The following RTF1 variants were observed in gnomAD, a reference collection of about 807,000 sequenced individuals.
RTF1 encodes the protein RTF1 homolog, Paf1/RNA polymerase II complex component.
A neutral mutation model predicts 95.7 loss-of-function variants in RTF1; 10 were observed. That is an observed-to-expected ratio of 0.10 (90% CI 0.06 to 0.18). The LOEUF (loss-of-function observed/expected upper bound fraction) is 0.18. Among genes scored for constraint, RTF1 ranks in the 10% least tolerant of loss-of-function variants. The probability of loss-of-function intolerance (pLI) is 1.00; values close to 1 mark genes in which losing one functional copy is unlikely to be tolerated. For synonymous variants in RTF1, 305 were observed against 311.8 expected (o/e 0.98, Z 0.23); for missense variants, 458 against 875.6 (o/e 0.52, Z 6.02).
At chr15:41,446,298 C>T (rs982459679) in intron 2 of RTF1, among the ~76,000 whole-genome samples, 3 of 151,996 alleles carry the variant, frequency 2.0e-5, no homozygotes, top group Non-Finnish European at 2.9e-5. Context: ...TGGCCAGGTG[C>T]GGTGTCTTAG....
intron 1 of RTF1, among the ~76,000 whole-genome samples, chr15:41,425,606 G>A (rs1193263098): frequency 6.6e-6 from 1 of 152,140 alleles, no homozygotes; most frequent in Non-Finnish European, 1.5e-5. Flanking sequence ...CCATTAGAAT[G>A]GAAGCGCCAG....
At chr15:41,461,942 G>A (rs548917291) in intron 4 of RTF1, among the ~76,000 whole-genome samples, 32 of 148,362 alleles carry the variant, frequency 2.2e-4, no homozygotes, top group African/African-American at 6.5e-4. Context: ...TTTTTAGAGA[G>A]GGGGGGTTTG....
At position 41,483,383 on chromosome 15, in the gene RTF1, C is replaced by T. The variant is rs1379213393; in HGVS notation, c.*2696C>T. 6.6e-6 allele frequency: 1 copy of T among 152,588 alleles called. No individual in the cohort carries two copies. The highest frequency in any genetic ancestry group is 1.9e-4 in the East Asian group (1 of 5,200). The allele number at this position is 152,588 out of a possible 1,614,324, so 9.5% of individuals were successfully genotyped here. On this transcript the variant is annotated 3_prime_UTR_variant, in exon 18 of 18. Coordinates refer to ENST00000389629, the MANE Select transcript of RTF1 (RefSeq NM_015138.5). ...TCCAAGAAGCAAAAAGGCCAGTGTC[C>T]ATCTGCCTAGTTCATAATGTTTATA...
At position 41,475,551 on chromosome 15, in the gene RTF1, G is replaced by A. The variant is rs1356003972; in HGVS notation, c.1313G>A (p.Arg438His). The A allele has an allele frequency of 1.2e-6, 2 of 1,613,970 alleles. No individual in the cohort carries two copies. The highest frequency in any genetic ancestry group is 1.7e-6 in the Non-Finnish European group (2 of 1,180,000). Residue 438 changes from arginine to histidine, a missense_variant, in exon 10 of 18, where the codon CGT becomes CAT. By Grantham distance (29) the Arg-to-His change is conservative (BLOSUM62 0). Around this residue, in one of 11 missense-constraint regions of RTF1, gnomAD observed 150 missense variants for 275.7 expected, o/e 0.54. Coordinates refer to ENST00000389629, the MANE Select transcript of RTF1 (RefSeq NM_015138.5). ...CATGGCAATGACCAACGCGTGTTCC[G>A]TTTAGAGTTTGTCTCAAACCAAGAA... The part of the protein sequence containing the change: ...LRHGNDQRVF[R>H]LEFVSNQEFT...
At position 41,466,232 on chromosome 15, in the gene RTF1, A is replaced by G; in HGVS notation, c.869A>G (p.Glu290Gly). 1 of 1,585,124 alleles carries G rather than the reference A, an allele frequency of 6.3e-7. No individual in the cohort carries two copies. The highest frequency in any genetic ancestry group is 8.6e-7 in the Non-Finnish European group (1 of 1,166,668). ...ATGGAGGAGCTAAAAGCAGAGCGAG[A>G]AAAACGAAAGAACAGAACAGGTAAG... The part of the protein sequence containing the change: ...QAMEELKAER[E>G]KRKNRTAELL... Residue 290 changes from glutamate to glycine, a missense_variant, in exon 6 of 18, where the codon GAA becomes GGA. By Grantham distance (98) the Glu-to-Gly change is moderately conservative. This residue lies in a region of RTF1 where 7 missense variants were observed against 54.3 expected (regional missense o/e 0.13). Transcript: ENST00000389629.
chr15:41,439,318 G>A (rs1362807857), intron 2 of RTF1, among the ~76,000 whole-genome samples: 1 of 152,092 alleles, frequency 6.6e-6, no homozygotes, highest in African/African-American at 2.4e-5. Flanking sequence ...ACAGGTGTGA[G>A]CCACTGCGCC....
intron 1 of RTF1, among the ~76,000 whole-genome samples, chr15:41,428,482 A>T (rs943489717): frequency 1.3e-5 from 2 of 149,746 alleles, no homozygotes; most frequent in African/African-American, 4.9e-5. Context: ...GTTAGCCAGG[A>T]TGGTCTCGAT....
intron 3 of RTF1, among the ~76,000 whole-genome samples, chr15:41,454,607 T>C (rs1046252936): frequency 6.6e-6 from 1 of 152,196 alleles, no homozygotes; most frequent in Non-Finnish European, 1.5e-5. Flanking sequence ...AAAGGTGCCT[T>C]TACAAAGGGA....
At chr15:41,475,935 G>T (rs957361659) in intron 11 of RTF1, 116 bp downstream of exon 11, 3 of 609,090 alleles carry the variant, frequency 4.9e-6, no homozygotes, top group Admixed American at 3.0e-5. Context: ...GAAAATGAGG[G>T]AATACTAATA....
intron 3 of RTF1, among the ~76,000 whole-genome samples, chr15:41,456,758 C>G (rs1257040921): frequency 1.3e-5 from 2 of 151,934 alleles, no homozygotes; most frequent in Non-Finnish European, 2.9e-5. Flanking sequence ...CTGCTGCACT[C>G]CAGCCTGGGT....
chr15:41,445,227 G>A (rs895184418), intron 2 of RTF1, among the ~76,000 whole-genome samples: 1 of 152,126 alleles, frequency 6.6e-6, no homozygotes, highest in Admixed American at 6.6e-5. Flanking sequence ...GAGCCACTGC[G>A]CCCGGCCTCA....
rs767318463 is a variant in RTF1 at position 41,477,158 on chromosome 15, T to C, written c.1561-7T>C. Reference sequence around the variant, plus strand: ...AAGAACGAACTCACACATCTCTCTATGTGTAGGCCATGGCTGAGGACCTGG... The same window carrying C: ...AAGAACGAACTCACACATCTCTCTACGTGTAGGCCATGGCTGAGGACCTGG... On this transcript the variant is annotated splice_polypyrimidine_tract_variant and splice_region_variant and intron_variant, in intron 12 of 17. Transcript: ENST00000389629. 2.5e-6 allele frequency: 4 copies of C among 1,614,080 alleles called. No individual in the cohort carries two copies. In the African/African-American group the frequency reaches 5.3e-5, roughly 22 times the overall value.
At chr15:41,457,537 AAAAAC>A in intron 3 of RTF1, 130 bp from the exon 4 acceptor site, 1 of 849,948 alleles carries the variant, frequency 1.2e-6, no homozygotes, top group East Asian at 2.4e-5. Flanking sequence ...AAAAAAAAGT[AAAAAC>A]AAATAAGTAA....
rs1176883004 is a variant in RTF1 at position 41,480,692 on chromosome 15, A to G, written c.*5A>G. ...AAACGACGAGGGCTTATTTGAGCAC[A>G]CCCAGCCTGCTGCTTCTGACCCTGC... On this transcript the variant is annotated 3_prime_UTR_variant, in exon 18 of 18. Transcript: ENST00000389629. 6.2e-7 allele frequency: 1 copy of G among 1,603,348 alleles called. No individual in the cohort carries two copies. Among genetic ancestry groups the G allele is most frequent in the Admixed American group, 1.7e-5 (1 of 59,990 alleles).
Position 41,470,390 on chromosome 15 carries a change from G to A in RTF1, c.1023G>A (p.Glu341=), listed in dbSNP as rs750608418. Residue 341 remains glutamate, a splice_region_variant and synonymous_variant, in exon 7 of 18, where the codon GAG becomes GAA. Coordinates refer to ENST00000389629, the MANE Select transcript of RTF1 (RefSeq NM_015138.5). ...SSRTSSSDEE[E]EKEEIPPKSQ... The stretch of plus-strand genomic sequence containing the variant: ...GAACATCATCGTCTGATGAAGAAGA[G>A]GAGTAAGCTCTTGTACATTTTGGTC... 1.2e-6 allele frequency: 2 copies of A among 1,614,088 alleles called. No homozygotes were observed. Among genetic ancestry groups the A allele is most frequent in the South Asian group, 1.1e-5 (1 of 91,084 alleles).
intron 2 of RTF1, among the ~76,000 whole-genome samples, chr15:41,450,302 G>C (rs2050783642): frequency 6.6e-6 from 1 of 152,220 alleles, no homozygotes; most frequent in South Asian, 2.1e-4. Flanking sequence ...AGGTGCGGTG[G>C]CTCATGCCTG....
intron 3 of RTF1, among the ~76,000 whole-genome samples, chr15:41,453,517 G>T (rs2050798277): frequency 6.6e-6 from 1 of 152,102 alleles, no homozygotes; most frequent in Admixed American, 6.6e-5. Context: ...CTTGAGCCCA[G>T]GAGTTCAGGA....
chr15:41,439,209 T>A (rs2050720509), intron 2 of RTF1, among the ~76,000 whole-genome samples: 1 of 151,808 alleles, frequency 6.6e-6, no homozygotes, highest in African/African-American at 2.4e-5. Context: ...TTTTTTTTTT[T>A]ATTTTTAGTA....
chr15:41,465,588 C>T (rs565802589), intron 5 of RTF1, among the ~76,000 whole-genome samples: 169 of 152,070 alleles, frequency 1.1e-3, no homozygotes, highest in Non-Finnish European at 1.7e-3. Context: ...TTGCAGTGAG[C>T]TGAGATCATG....
Sources: gnomAD v4.1 joint callset for allele counts (sites outside exome capture counted in the v4.1 genomes callset) on GRCh38, gnomAD v4.1.1 for gene constraint, gnomAD v4.1.1 regional missense constraint, MANE v1.5 for transcripts, NCBI Gene and HGNC (gene_info 2026-07-23, HGNC 2026-07-21) for gene names.